Variants in CHIC1 observed in about 807,000 individuals in gnomAD.
CHIC1 encodes cysteine-rich hydrophobic domain-containing protein 1.
CHIC1 carries 7 observed loss-of-function variants against 18.5 expected under a neutral mutation model. The ratio of observed to expected loss-of-function variants is 0.38; its 90% CI spans 0.22 to 0.71. The LOEUF is 0.71. CHIC1 is among the 30% of genes least tolerant of loss of function. The probability of loss-of-function intolerance (pLI) is 0.49; values close to 1 mark genes in which losing one functional copy is unlikely to be tolerated. For missense variants in CHIC1, 159 were observed against 176.9 expected (o/e 0.90, Z 0.57); for synonymous variants, 77 against 73.5 (o/e 1.05, Z -0.25).
chrX:73,647,459 A>G (rs2057894859), intron 3 of CHIC1, among the ~76,000 whole-genome samples: 1 of 111,794 alleles, frequency 8.9e-6, no homozygotes, highest in Non-Finnish European at 1.9e-5. Flanking sequence ...TAACACACTA[A>G]GCTCCATGGG....
At chrX:73,577,223 A>T (rs781599522) in intron 1 of CHIC1, among the ~76,000 whole-genome samples, 184 bp from the exon 2 acceptor site, 1 of 110,491 alleles carries the variant, frequency 9.1e-6, no homozygotes, top group Non-Finnish European at 1.9e-5. Flanking sequence ...TTTAAAAAAT[A>T]TGTTAGTTTG....
chrX:73,678,462 G>A (rs1449947139), intron 3 of CHIC1, among the ~76,000 whole-genome samples: 8 of 111,775 alleles, frequency 7.2e-5, no homozygotes, highest in African/African-American at 2.6e-4. Context: ...GGGCCAAGAA[G>A]TTTGCTCTTC....
intron 3 of CHIC1, among the ~76,000 whole-genome samples, chrX:73,675,356 C>T (rs1413518226): frequency 9.0e-6 from 1 of 111,231 alleles, no homozygotes; most frequent in African/African-American, 3.3e-5. Flanking sequence ...TTATTATTGT[C>T]TGGGAGTCTA....
chrX:73,663,444 C>T (rs1369628359), intron 3 of CHIC1, among the ~76,000 whole-genome samples: 2 of 110,385 alleles, frequency 1.8e-5, no homozygotes. Context: ...TAATAGGTCT[C>T]GTTCCCCAAA....
intron 3 of CHIC1, among the ~76,000 whole-genome samples, chrX:73,673,579 G>C (rs1156897703): frequency 8.9e-6 from 1 of 111,813 alleles, no homozygotes; most frequent in African/African-American, 3.3e-5. Context: ...GAATGCTTGT[G>C]ATTTTTGTAC....
At chrX:73,626,501 TC>T (rs1203808667) in intron 3 of CHIC1, among the ~76,000 whole-genome samples, 1 of 111,001 alleles carries the variant, frequency 9.0e-6, no homozygotes, top group Non-Finnish European at 1.9e-5. Flanking sequence ...TTTTCATTTT[TC>T]TCCTCTGACT....
At chrX:73,601,356 C>G (rs1381031838) in intron 3 of CHIC1, among the ~76,000 whole-genome samples, 3 of 106,607 alleles carry the variant, frequency 2.8e-5, no homozygotes, top group Admixed American at 9.9e-5. Flanking sequence ...TTATAACAAA[C>G]TATCTCTCAG....
intron 3 of CHIC1, among the ~76,000 whole-genome samples, chrX:73,598,747 T>G (rs2057625376): frequency 9.0e-6 from 1 of 110,592 alleles, no homozygotes; most frequent in Non-Finnish European, 1.9e-5. Flanking sequence ...GGCATTTGGG[T>G]TGGTCCCAAG....
At chrX:73,581,348 A>C (rs775085721) in intron 2 of CHIC1, among the ~76,000 whole-genome samples, 1 of 111,061 alleles carries the variant, frequency 9.0e-6, no homozygotes, top group South Asian at 3.7e-4. Context: ...AGAAAGCCAA[A>C]AGAAATGAAA....
chrX:73,642,444 G>A (rs1244225243), intron 3 of CHIC1, among the ~76,000 whole-genome samples: 20 of 109,707 alleles, frequency 1.8e-4, no homozygotes, highest in African/African-American at 5.0e-4. Context: ...AGTAGGTTGC[G>A]AAAATTTTCT....
chrX:73,621,724 A>C, intron 3 of CHIC1, among the ~76,000 whole-genome samples: 1 of 111,918 alleles, frequency 8.9e-6, no homozygotes, highest in Non-Finnish European at 1.9e-5. Flanking sequence ...CAGAACTTCA[A>C]ATATTATGGT....
At chrX:73,642,417 C>A (rs745314392) in intron 3 of CHIC1, among the ~76,000 whole-genome samples, 1 of 110,623 alleles carries the variant, frequency 9.0e-6, no homozygotes, top group Admixed American at 9.6e-5. Flanking sequence ...TTCTGGATAT[C>A]AGCCCTTTGT....
intron 3 of CHIC1, among the ~76,000 whole-genome samples, chrX:73,667,425 A>G (rs1375986986): frequency 9.0e-6 from 1 of 111,387 alleles, no homozygotes; most frequent in Non-Finnish European, 1.9e-5. Flanking sequence ...AAACTTGTTT[A>G]TGTGATTGCT....
chrX:73,584,330 A>T, intron 2 of CHIC1, 87 bp from the exon 3 acceptor site: 1 of 834,760 alleles, frequency 1.2e-6, no homozygotes, highest in Non-Finnish European at 1.6e-6. Context: ...GATTCCTTAA[A>T]TTATTTGTAA....
At chrX:73,622,137 G>T (rs2057763389) in intron 3 of CHIC1, among the ~76,000 whole-genome samples, 1 of 111,991 alleles carries the variant, frequency 8.9e-6, no homozygotes, top group South Asian at 3.7e-4. Flanking sequence ...TGTTCATCAG[G>T]GATATTGGCC....
chrX:73,680,599 C>A (rs1186225026), intron 5 of CHIC1, among the ~76,000 whole-genome samples: 1 of 110,968 alleles, frequency 9.0e-6, no homozygotes, highest in Non-Finnish European at 1.9e-5. Context: ...ATCTGTATAG[C>A]ATTTTTTTAA....
rs2058110031 is a variant in CHIC1, at chrX:73,683,930, T to C, written c.*2925T>C. ...CTCTTTGTTCCCTCCTAATGCTAAT[T>C]TAGGAAAGAGACCACTGTAGTAAAA... On this transcript the variant is annotated 3_prime_UTR_variant, in exon 6 of 6. Coordinates refer to ENST00000373502, the MANE Select transcript of CHIC1 (RefSeq NM_001039840.4). The C allele has an allele frequency of 9.0e-6, 1 of 111,710 alleles. No homozygotes were observed. 9.2% of individuals were successfully genotyped at this position (111,710 alleles called of 1,213,427 possible). A position where few individuals can be genotyped will look rare whatever the true frequency, so the allele number is the denominator to read the frequency against.
Position 73,656,733 on chromosome X carries a change from G to A in CHIC1, c.508-22593G>A, listed in dbSNP as rs768861506. On this transcript the variant is annotated intron_variant, in intron 3 of 5. Transcript: ENST00000373502. ...GTAGTATAGTTCAGAGTCAGGTAGC[G>A]TGATGCCTTCAGCTTTATTGTTTTT... is the stretch of plus-strand genomic sequence containing the variant. Among the ~76,000 whole-genome samples the A allele has an allele frequency of 1.1e-4, 12 of 112,071 alleles. No individual in the cohort carries two copies. In the South Asian group the frequency reaches 1.5e-3, roughly 14 times the overall value.
chrX:73,636,339 C>G (rs2057831106), intron 3 of CHIC1, among the ~76,000 whole-genome samples: 1 of 110,943 alleles, frequency 9.0e-6, no homozygotes, highest in African/African-American at 3.3e-5. Context: ...GGTGGCTATT[C>G]ACAGGAATGA....
Sources: gnomAD v4.1 joint callset for allele counts (sites outside exome capture counted in the v4.1 genomes callset) on GRCh38, gnomAD v4.1.1 for gene constraint, MANE v1.5 for transcripts, NCBI Gene and HGNC (gene_info 2026-07-23, HGNC 2026-07-21) for gene names.